KNL1: variants seen among roughly 807,000 people sequenced by gnomAD.
The protein encoded by KNL1 is kinetochore scaffold 1.
In KNL1, 66 loss-of-function variants were observed where a neutral mutation model predicts 201.3. The observed-to-expected ratio is 0.33, with a 90% CI of 0.27 to 0.40. The LOEUF (loss-of-function observed/expected upper bound fraction) is 0.40. Ranked by LOEUF, KNL1 falls within the 10% of genes least tolerant of loss-of-function variation. The pLI, the probability that KNL1 is intolerant of heterozygous loss-of-function variation, is 1.00. For missense variants in KNL1, 2,815 were observed against 2,690.5 expected (o/e 1.05, Z -1.02); for synonymous variants, 895 against 899.2 (o/e 1.00, Z 0.08).
chr15:40,596,955 G>A (rs778094387), intron 1 of KNL1, among the ~76,000 whole-genome samples: 95 of 139,328 alleles, frequency 6.8e-4, no homozygotes, highest in Non-Finnish European at 1.2e-3. Context: ...AGCCAAGATT[G>A]CGCCATTGTA....
At position 40,624,283 on chromosome 15, in the gene KNL1, C is replaced by G. The variant is rs376746806; in HGVS notation, c.4019C>G (p.Ala1340Gly). The stretch of plus-strand genomic sequence containing the variant: ...TATTGCCCAGTGCAAAATGATCTTG[C>G]TTATGCAAATGATTTTGCCAGTGAA... ...ANYCPVQNDL[A>G]YANDFASEYY... The change falls in exon 10 of 26, where the codon GCT becomes GGT. Residue 1340 changes from alanine (A) to glycine (G), a missense_variant. Ala to Gly is a moderately conservative substitution (Grantham distance 60, BLOSUM62 0). This residue lies in a region of KNL1 where 2,464 missense variants were observed against 2,291.7 expected (regional missense o/e 1.08). Transcript: ENST00000399668. The G allele has an allele frequency of 9.3e-6, 15 of 1,613,876 alleles. No homozygotes were observed. The highest frequency in any genetic ancestry group is 1.3e-5 in the Non-Finnish European group (15 of 1,179,954).
At chr15:40,645,863 C>T (rs1893368681) in intron 16 of KNL1, 91 bp downstream of exon 16, 5 of 689,296 alleles carry the variant, frequency 7.3e-6, no homozygotes, top group Non-Finnish European at 1.1e-5. Context: ...CCTTAGAAGA[C>T]ATGTGAATAA....
At chr15:40,646,856 CAAAAAAAAA>C in intron 16 of KNL1, 122 bp from the exon 17 acceptor site, 1 of 184,820 alleles carries the variant, frequency 5.4e-6, no homozygotes. Context: ...GACTCCGCCT[CAAAAAAAAA>C]AAAAAAAAAA....
At chr15:40,658,732 T>A (rs980177744) in intron 24 of KNL1, among the ~76,000 whole-genome samples, 5 of 147,498 alleles carry the variant, frequency 3.4e-5, no homozygotes, top group African/African-American at 1.3e-4. Flanking sequence ...GAGTTCAAGA[T>A]CAATGTGGCC....
intron 7 of KNL1, among the ~76,000 whole-genome samples, chr15:40,613,252 C>CGT (rs756688130): frequency 1.5e-3 from 222 of 151,264 alleles, no homozygotes; most frequent in African/African-American, 4.3e-3. Flanking sequence ...AGAAGAAAAG[C>CGT]GTGTGTGTGT....
chr15:40,660,728 G>A (rs1893884799), intron 25 of KNL1, among the ~76,000 whole-genome samples: 1 of 151,900 alleles, frequency 6.6e-6, no homozygotes, highest in Non-Finnish European at 1.5e-5. Context: ...CAGCACTTTG[G>A]GAGGCTGAGG....
At chr15:40,641,810 T>A (rs1423220626) in intron 14 of KNL1, among the ~76,000 whole-genome samples, 1 of 152,234 alleles carries the variant, frequency 6.6e-6, no homozygotes, top group Non-Finnish European at 1.5e-5. Context: ...CCTTTGAGTT[T>A]ATAATTTTAC....
At chr15:40,647,125 G>GCT (rs769226013) in intron 17 of KNL1, 51 bp downstream of exon 17, 2 of 883,760 alleles carry the variant, frequency 2.3e-6, no homozygotes, top group Admixed American at 3.6e-5. Flanking sequence ...TTATCTAAAT[G>GCT]CTCTCCTACA....
intron 1 of KNL1, among the ~76,000 whole-genome samples, chr15:40,600,289 G>A (rs1891752770): frequency 6.6e-6 from 1 of 152,138 alleles, no homozygotes; most frequent in South Asian, 2.1e-4. Context: ...TGGCCAGGCT[G>A]GTCTCAAACT....
intron 10 of KNL1, 95 bp downstream of exon 10, chr15:40,625,735 CG>C (rs1036352540): frequency 1.1e-6 from 1 of 897,576 alleles, no homozygotes; most frequent in African/African-American, 1.7e-5. Context: ...ATCTTAGTCT[CG>C]GGTAGGCAGA....
chr15:40,657,572 C>A, intron 24 of KNL1, 99 bp downstream of exon 24: 1 of 668,318 alleles, frequency 1.5e-6, no homozygotes, highest in Non-Finnish European at 2.7e-6. Flanking sequence ...AAGGTGTAAG[C>A]GGGTGTTATT....
In KNL1 at chr15:40,657,064, C is replaced by T; in HGVS notation, c.6507C>T (p.Ser2169=). 6.3e-7 allele frequency: 1 copy of T among 1,587,894 alleles called. No homozygotes were observed. Among genetic ancestry groups the T allele is most frequent in the Non-Finnish European group, 8.6e-7 (1 of 1,166,934 alleles). The change falls in exon 23 of 26, where the codon TCC becomes TCT. Residue 2169 remains serine (S), a synonymous_variant. Transcript: ENST00000399668. ...LLDEDQAPPS[S]LLVHKLIFQY... Reference sequence around the variant, plus strand: ...CAGAGGATCAAGCTCCTCCTTCCTCCCTTTTAGTTCATAAGCTTATTTTCC... The same window carrying T: ...CAGAGGATCAAGCTCCTCCTTCCTCTCTTTTAGTTCATAAGCTTATTTTCC...
chr15:40,614,579 T>C (rs1319322793), intron 7 of KNL1, among the ~76,000 whole-genome samples: 1 of 152,186 alleles, frequency 6.6e-6, no homozygotes, highest in African/African-American at 2.4e-5. Flanking sequence ...TAACCACTGT[T>C]GACAATTTTT....
intron 7 of KNL1, among the ~76,000 whole-genome samples, chr15:40,612,350 G>T (rs1429149265): frequency 6.6e-6 from 1 of 151,246 alleles, no homozygotes; most frequent in Non-Finnish European, 1.5e-5. Context: ...AATTAGCCAG[G>T]TATGGTGGCA....
intron 7 of KNL1, among the ~76,000 whole-genome samples, chr15:40,613,060 G>C (rs1188923545): frequency 6.6e-6 from 1 of 152,120 alleles, no homozygotes; most frequent in East Asian, 1.9e-4. Context: ...GTTGTGAAAG[G>C]TCCTGAAGGT....
rs1200515279 is a variant in KNL1 at position 40,620,628 on chromosome 15, C to T, written c.376-12C>T. Reference sequence around the variant, plus strand: ...TTTTGTTCTGATCTCTTATATTTTGCTTTCATTATAGTTTTCAATTATAGA... The same window carrying T: ...TTTTGTTCTGATCTCTTATATTTTGTTTTCATTATAGTTTTCAATTATAGA... On this transcript the variant is annotated splice_polypyrimidine_tract_variant and intron_variant, in intron 9 of 25. Coordinates refer to ENST00000399668, the MANE Select transcript of KNL1 (RefSeq NM_144508.5). The T allele has an allele frequency of 6.6e-7, 1 of 1,514,528 alleles. No homozygotes were observed. The highest frequency in any genetic ancestry group is 2.2e-5 in the Admixed American group (1 of 44,584). The allele number at this position is 1,514,528 out of a possible 1,614,324, so 93.8% of individuals were successfully genotyped here. A position where few individuals can be genotyped will look rare whatever the true frequency, so the allele number is the denominator to read the frequency against.
At chr15:40,650,667 A>G (rs1893529534) in intron 19 of KNL1, 84 bp downstream of exon 19, 1 of 1,246,062 alleles carries the variant, frequency 8.0e-7, no homozygotes, top group African/African-American at 1.6e-5. Flanking sequence ...GACTGACAGG[A>G]TTTGGGGACA....
chr15:40,602,227 G>A (rs1260424224), intron 1 of KNL1, among the ~76,000 whole-genome samples: 1 of 148,678 alleles, frequency 6.7e-6, no homozygotes, highest in Non-Finnish European at 1.5e-5. Flanking sequence ...TAGAGACGGG[G>A]TTTCACCGTG....
chr15:40,638,649 G>A (rs890367617), intron 13 of KNL1, among the ~76,000 whole-genome samples: 19 of 148,428 alleles, frequency 1.3e-4, no homozygotes, highest in Admixed American at 7.4e-4. Context: ...CCACCACCAC[G>A]CCCGGCTAAT....
Sources: gnomAD v4.1 joint callset for allele counts (sites outside exome capture counted in the v4.1 genomes callset) on GRCh38, gnomAD v4.1.1 for gene constraint, gnomAD v4.1.1 regional missense constraint, MANE v1.5 for transcripts, NCBI Gene and HGNC (gene_info 2026-07-23, HGNC 2026-07-21) for gene names.